The following SPTBN2 variants were observed in gnomAD, a reference collection of about 807,000 sequenced individuals.
SPTBN2 encodes the protein spectrin beta chain, non-erythrocytic 2.
SPTBN2 carries 107 observed loss-of-function variants against 284.2 expected under a neutral mutation model. That is an observed-to-expected ratio of 0.38 (90% CI 0.32 to 0.44). The LOEUF (loss-of-function observed/expected upper bound fraction) is 0.44, where lower values mean the gene tolerates loss of function less well. Among genes scored for constraint, SPTBN2 ranks in the 20% least tolerant of loss-of-function variants. The pLI is 1.00. For synonymous variants in SPTBN2, 1,289 were observed against 1,354.8 expected, an observed-to-expected ratio of 0.95 and a Z score of 1.07; for missense variants, 2,569 against 3,287.1, an observed-to-expected ratio of 0.78 and a Z score of 5.34.
Position 66,701,078 on chromosome 11 carries a change from G to A in SPTBN2, c.3021C>T (p.Asp1007=), listed in dbSNP as rs977788803. The change falls in exon 17 of 38, where the codon GAC becomes GAT. Residue 1007 remains aspartate, a synonymous_variant. Coordinates refer to ENST00000533211, the MANE Select transcript of SPTBN2 (RefSeq NM_006946.4). ...CCACCCGGGCGGCGATGGCCTCCAG[G>A]TCCCGCTCCGTGCCGGCCAGCTTGC... The part of the protein sequence containing the change: ...LQRKLAGTER[D]LEAIAARVGE... 2 of 1,611,892 alleles carry A rather than the reference G, an allele frequency of 1.2e-6. No homozygotes were observed. The highest frequency in any genetic ancestry group is 1.7e-6 in the Non-Finnish European group (2 of 1,179,984).
intron 26 of SPTBN2, among the ~76,000 whole-genome samples, chr11:66,692,156 G>A (rs887964484): frequency 2.0e-5 from 3 of 151,954 alleles, no homozygotes; most frequent in East Asian, 1.9e-4. Context: ...CTGCAGTGTC[G>A]ACCTCCCAGG....
At chr11:66,724,106 G>A (rs1308763762) in intron 1 of SPTBN2, among the ~76,000 whole-genome samples, 5 of 152,170 alleles carry the variant, frequency 3.3e-5, no homozygotes, top group African/African-American at 9.7e-5. Flanking sequence ...GTTTTGCTGG[G>A]CCAATAAGCT....
At position 66,687,338 on chromosome 11, in the gene SPTBN2, A is replaced by C; in HGVS notation, c.6722+89T>G. ...GTCCCAAGTCCTACCCTTTGCCCAG[A>C]AGATGTACTCTAAAGGGCATCCCTC... On this transcript the variant is annotated intron_variant, in intron 35 of 37. Coordinates refer to ENST00000533211, the MANE Select transcript of SPTBN2 (RefSeq NM_006946.4). The surrounding 1 kb of genome is among the most constrained non-coding windows in gnomAD (Gnocchi z 5.2). 1 of 1,567,220 alleles carries C rather than the reference A, an allele frequency of 6.4e-7. No individual in the cohort carries two copies. Among genetic ancestry groups the C allele is most frequent in the Non-Finnish European group, 8.7e-7 (1 of 1,151,306 alleles).
chr11:66,685,708 G>T lies in SPTBN2; in HGVS notation c.*163C>A. On this transcript the variant is annotated 3_prime_UTR_variant, in exon 38 of 38. Coordinates refer to ENST00000533211, the MANE Select transcript of SPTBN2 (RefSeq NM_006946.4). The surrounding 1 kb of genome is among the most constrained non-coding windows in gnomAD (Gnocchi z 4.4). Reference sequence around the variant, plus strand: ...ACAGCAGAAGAGAAGGGCTGCCCTTGGGAACATGGACTCGTCCCCAGTGAC... The same window carrying T: ...ACAGCAGAAGAGAAGGGCTGCCCTTTGGAACATGGACTCGTCCCCAGTGAC... 1 of 688,090 alleles carries T rather than the reference G, an allele frequency of 1.5e-6. No homozygotes were observed. Among genetic ancestry groups the T allele is most frequent in the Non-Finnish European group, 2.6e-6 (1 of 389,912 alleles). 42.6% of individuals were successfully genotyped at this position (688,090 alleles called of 1,614,324 possible).
At position 66,708,678 on chromosome 11, in the gene SPTBN2, G is replaced by A. The variant is rs982399138; in HGVS notation, c.1191+224C>T. ...GGGCATAATTTCCTTATGTGACCTC[G>A]TATGGAGAGTCAGACAAAGGGACAG... On this transcript the variant is annotated intron_variant, in intron 11 of 37. Transcript: ENST00000533211. This position sits in a 1 kb window ranked among gnomAD's most constrained non-coding sequence, Gnocchi z 4.4. 3.9e-5 allele frequency among the ~76,000 whole-genome samples: 6 copies of A among 152,210 alleles called. No homozygotes were observed. The highest frequency in any genetic ancestry group is 4.8e-5 in the African/African-American group (2 of 41,454).
intron 1 of SPTBN2, among the ~76,000 whole-genome samples, chr11:66,734,663 A>G (rs892645218): frequency 6.6e-6 from 1 of 152,172 alleles, no homozygotes; most frequent in African/African-American, 2.4e-5. Flanking sequence ...CTGGATTGTC[A>G]CTGCCCATTG....
At chr11:66,721,522 G>A (rs889101587) in intron 1 of SPTBN2, 82 bp from the exon 2 acceptor site, 10 of 493,350 alleles carry the variant, frequency 2.0e-5, no homozygotes, top group African/African-American at 3.9e-5. Context: ...GGTCAGGAAA[G>A]GCTCCAACGA....
upstream of SPTBN2, among the ~76,000 whole-genome samples, chr11:66,731,476 T>C (rs1047139523): frequency 6.6e-6 from 1 of 152,232 alleles, no homozygotes; most frequent in Non-Finnish European, 1.5e-5. Context: ...CCACCAAACA[T>C]ACATACATAG....
In SPTBN2 at chr11:66,704,861, G is replaced by A. The variant is rs1417257943; in HGVS notation, c.2415C>T (p.Ala805=). 2 of 1,610,152 alleles carry A rather than the reference G, an allele frequency of 1.2e-6. No individual in the cohort carries two copies. Among genetic ancestry groups the A allele is most frequent in the East Asian group, 2.2e-5 (1 of 44,872 alleles). The change falls in exon 15 of 38, where the codon GCC becomes GCT. Residue 805 remains alanine (A), a synonymous_variant. Coordinates refer to ENST00000533211, the MANE Select transcript of SPTBN2 (RefSeq NM_006946.4). ...EIRSHRPTLD[A]LREQAAALPP... is the part of the protein sequence containing the mutation. Reference sequence around the variant, plus strand: ...GCAGGGCTGCTGCCTGTTCCCTCAAGGCGTCCAGGGTTGGCCGGTGGCTTC... The same window carrying A: ...GCAGGGCTGCTGCCTGTTCCCTCAAAGCGTCCAGGGTTGGCCGGTGGCTTC...
At chr11:66,730,607 T>C (rs574622839), upstream of SPTBN2, among the ~76,000 whole-genome samples, 16 of 150,858 alleles carry the variant, frequency 1.1e-4, no homozygotes, top group South Asian at 3.4e-3. Context: ...AATTAGAGAA[T>C]CAGCTGCCCT....
At chr11:66,714,553 C>T in intron 5 of SPTBN2, 146 bp from the exon 6 acceptor site, 1 of 724,894 alleles carries the variant, frequency 1.4e-6, no homozygotes, top group Non-Finnish European at 2.4e-6. Flanking sequence ...CAACCTAGGC[C>T]AGGGACCACA....
In SPTBN2 at chr11:66,701,006, A is replaced by G; in HGVS notation, c.3093T>C (p.Ala1031=). ...EANALAAGHP[A]QAVAINARLR... is the part of the protein sequence containing the mutation. ...GCCGGGCGTTGATGGCCACTGCCTG[A>G]GCGGGATGGCCGGCAGCCAGGGCAT... Residue 1031 remains alanine, a synonymous_variant, in exon 17 of 38, where the codon GCT becomes GCC. Transcript: ENST00000533211. 6.2e-7 allele frequency: 1 copy of G among 1,607,856 alleles called. No individual in the cohort carries two copies. Among genetic ancestry groups the G allele is most frequent in the Non-Finnish European group, 8.5e-7 (1 of 1,179,792 alleles).
intron 16 of SPTBN2, 51 bp from the exon 17 acceptor site, chr11:66,701,333 A>T (rs1941236574): frequency 6.2e-7 from 1 of 1,601,382 alleles, no homozygotes; most frequent in Non-Finnish European, 8.5e-7. Context: ...GCCTGTTTGG[A>T]AGCTTCTTCC....
chr11:66,741,025 G>A lies in SPTBN2; in HGVS notation c.-475+3517C>T, dbSNP rs188218306. On this transcript the variant is annotated intron_variant, in intron 1 of 37. Transcript: ENST00000611817. ...CACTCAAACCCTTGAGTTTGGGTCA[G>A]AATCAGTCTTGGGCTCTTCTTATAG... Among the ~76,000 whole-genome samples, 3 of 152,290 alleles carry A rather than the reference G, an allele frequency of 2.0e-5. No individual in the cohort carries two copies. The East Asian group carries it at 5.8e-4, about 29-fold the overall frequency.
intron 17 of SPTBN2, among the ~76,000 whole-genome samples, chr11:66,699,840 C>G (rs1307457714): frequency 1.3e-5 from 2 of 152,220 alleles, no homozygotes; most frequent in Non-Finnish European, 2.9e-5. Flanking sequence ...TGTTCTATCT[C>G]ACTTCTAGCT....
rs2135332966 is a variant in SPTBN2, at chr11:66,690,440, G to C, written c.5566-157C>G. ...GGGGGTGCTGGGAAAGATGAAGGCAGGGGCTGGCCACACTCTGCCCTGTTG... is the reference window on the plus strand; with the variant it reads ...GGGGGTGCTGGGAAAGATGAAGGCACGGGCTGGCCACACTCTGCCCTGTTG... On this transcript the variant is annotated intron_variant, in intron 27 of 37. Coordinates refer to ENST00000533211, the MANE Select transcript of SPTBN2 (RefSeq NM_006946.4). The C allele has an allele frequency of 5.7e-6, 6 of 1,053,682 alleles. No homozygotes were observed. In the South Asian group the frequency reaches 1.0e-4, roughly 18 times the overall value. 65.3% of individuals were successfully genotyped at this position (1,053,682 alleles called of 1,614,324 possible).
At chr11:66,713,962 T>C (rs1418166530) in intron 7 of SPTBN2, 129 bp downstream of exon 7, 32 of 1,043,460 alleles carry the variant, frequency 3.1e-5, no homozygotes, top group Non-Finnish European at 4.6e-5. Context: ...CATGTTCTGG[T>C]TCTGCTCCGA....
chr11:66,701,797 A>C, intron 15 of SPTBN2, 76 bp from the exon 16 acceptor site: 1 of 1,605,792 alleles, frequency 6.2e-7, no homozygotes, highest in East Asian at 2.2e-5. Flanking sequence ...CACCTCTCTT[A>C]AACACCCAGG....
At chr11:66,696,188 T>C in intron 21 of SPTBN2, 89 bp downstream of exon 21, 1 of 1,536,176 alleles carries the variant, frequency 6.5e-7, no homozygotes, top group East Asian at 2.3e-5. Flanking sequence ...AGGTGTTATC[T>C]GCCAGGCCTC....
Sources: allele counts gnomAD v4.1 joint callset (sites outside exome capture counted in the v4.1 genomes callset), GRCh38; gene constraint gnomAD v4.1.1; non-coding constraint Gnocchi (gnomAD v3.1); transcripts MANE v1.5; gene names NCBI Gene and HGNC (gene_info 2026-07-23, HGNC 2026-07-21).